CFL1: variants seen among roughly 807,000 people sequenced by gnomAD.
CFL1 encodes cofilin 1, also known as cofilin-1.
CFL1 carries 2 observed loss-of-function variants against 16.3 expected under a neutral mutation model. The observed-to-expected ratio is 0.12, with a 90% confidence interval of 0.05 to 0.39. CFL1 has a LOEUF of 0.39. Ranked by LOEUF, CFL1 falls within the 10% of genes least tolerant of loss-of-function variation. The pLI, the probability that CFL1 is intolerant of heterozygous loss-of-function variation, is 0.99. For synonymous variants in CFL1, 111 were observed against 84.4 expected (o/e 1.31, Z -1.73); for missense variants, 75 against 212.2 (o/e 0.35, Z 4.02).
intron 1 of CFL1, chr11:65,857,433 T>G (rs538459202): frequency 4.6e-6 from 2 of 435,568 alleles, no homozygotes; most frequent in African/African-American, 4.1e-5. Flanking sequence ...GATGCACGGG[T>G]GAGAACGCAG....
At chr11:65,857,783 G>A (rs1859415361) in intron 1 of CFL1, 2 of 197,330 alleles carry the variant, frequency 1.0e-5, no homozygotes, top group Non-Finnish European at 2.0e-5. Flanking sequence ...GAAGAAAGGC[G>A]CGACGCCGGC....
chr11:65,858,111 C>G lies in CFL1; in HGVS notation c.-12G>C, dbSNP rs988456330. ...CTGCCGCTCACCATGTTTCCGGAAA[C>G]GAAAAGGAGAGGGCACCGAGAGCCG... On this transcript the variant is annotated 5_prime_UTR_variant, in exon 1 of 4. Transcript: ENST00000308162. The G allele has an allele frequency of 2.6e-6, 4 of 1,532,666 alleles. No individual in the cohort carries two copies. In the African/African-American group the frequency reaches 5.7e-5, roughly 22 times the overall value. The allele number at this position is 1,532,666 out of a possible 1,614,324, so 94.9% of individuals were successfully genotyped here.
chr11:65,855,588 C>T (rs1265158537), intron 3 of CFL1, 66 bp downstream of exon 3: 16 of 1,552,814 alleles, frequency 1.0e-5, no homozygotes, highest in Non-Finnish European at 1.3e-5. Context: ...CCTCTGCGTG[C>T]CATTCACCCT....
At chr11:65,855,908 C>T in intron 2 of CFL1, 27 bp downstream of exon 2, 2 of 1,597,380 alleles carry the variant, frequency 1.3e-6, no homozygotes, top group Non-Finnish European at 1.7e-6. Flanking sequence ...GGGCAGGTGA[C>T]AGGAAGAAGT....
intron 1 of CFL1, chr11:65,857,770 T>G: frequency 1.1e-5 from 2 of 184,902 alleles, no homozygotes; most frequent in Non-Finnish European, 1.1e-5. Flanking sequence ...AGCGCGCCCC[T>G]AAGAAGAAAG....
At chr11:65,858,056 C>A (rs764405459) in intron 1 of CFL1, 41 bp downstream of exon 1, 2 of 1,525,118 alleles carry the variant, frequency 1.3e-6, no homozygotes, top group African/African-American at 1.4e-5. Flanking sequence ...AGGCGACCGA[C>A]CCGCAGCCGC....
chr11:65,856,359 C>T (rs1859385433), intron 1 of CFL1, 117 bp from the exon 2 acceptor site: 5 of 975,106 alleles, frequency 5.1e-6, no homozygotes, highest in Non-Finnish European at 7.6e-6. Flanking sequence ...CAAGGCAAGT[C>T]ACTAGTTTTC....
In CFL1 at chr11:65,858,143, A is replaced by C; in HGVS notation, c.-44T>G. 4 of 1,517,908 alleles carry C rather than the reference A, an allele frequency of 2.6e-6. No homozygotes were observed. Among genetic ancestry groups the C allele is most frequent in the Non-Finnish European group, 3.5e-6 (4 of 1,132,546 alleles). The allele number at this position is 1,517,908 out of a possible 1,614,324, so 94.0% of individuals were successfully genotyped here. Reference sequence around the variant, plus strand: ...GAGAGGGCACCGAGAGCCGCAGAAGACGAGAGCGCTGCAGCCGCTGCCGGG... The same window carrying C: ...GAGAGGGCACCGAGAGCCGCAGAAGCCGAGAGCGCTGCAGCCGCTGCCGGG... On this transcript the variant is annotated 5_prime_UTR_variant, in exon 1 of 4. Coordinates refer to ENST00000308162, the MANE Select transcript of CFL1 (RefSeq NM_005507.3).
rs779206752 is a variant in CFL1 at position 65,856,205 on chromosome 11, A to G, written c.41T>C (p.Val14Ala). Residue 14 changes from valine (V) to alanine (A), a missense_variant, in exon 2 of 4, where the codon GTG becomes GCG. By Grantham distance (64) the Val-to-Ala change is moderately conservative. Coordinates refer to ENST00000308162, the MANE Select transcript of CFL1 (RefSeq NM_005507.3). ...CTTACGCACCTTCATGTCGTTGAAC[A>G]CCTTGATGACACCATCAGAGACAGC... is the stretch of plus-strand genomic sequence containing the variant. Reference protein sequence around the residue: ...GVAVSDGVIKVFNDMKVRKSS... With the variant: ...GVAVSDGVIKAFNDMKVRKSS... The G allele has an allele frequency of 6.2e-7, 1 of 1,614,024 alleles. No individual in the cohort carries two copies. Among genetic ancestry groups the G allele is most frequent in the Non-Finnish European group, 8.5e-7 (1 of 1,180,000 alleles).
In CFL1 at chr11:65,855,982, G is replaced by A. The variant is rs1448751243; in HGVS notation, c.264C>T (p.Thr88=). The change falls in exon 2 of 4, where the codon ACC becomes ACT. Residue 88 remains threonine, a synonymous_variant. Transcript: ENST00000308162. ...KDCRYALYDA[T]YETKESKKED... ...CCTTCTTGCTCTCCTTGGTCTCATA[G>A]GTTGCATCATAGAGGGCATAGCGGC... 6.2e-7 allele frequency: 1 copy of A among 1,614,148 alleles called. No homozygotes were observed. Among genetic ancestry groups the A allele is most frequent in the East Asian group, 2.2e-5 (1 of 44,874 alleles).
At chr11:65,855,558 G>C (rs147490639) in intron 3 of CFL1, 96 bp downstream of exon 3, 1 of 1,551,408 alleles carries the variant, frequency 6.4e-7, no homozygotes, top group Non-Finnish European at 8.9e-7. Flanking sequence ...AGCAGGCAGC[G>C]AAGACAAGGG....
chr11:65,857,616 T>A (rs894160289), intron 1 of CFL1: 6 of 226,660 alleles, frequency 2.6e-5, no homozygotes, highest in South Asian at 1.9e-4. Flanking sequence ...CCCTGCCACC[T>A]GCTCCCGAGA....
rs760995765 is a variant in CFL1, at chr11:65,855,357, G to A, written c.480C>T (p.Ser160=). ...AEKLGGSAVI[S]LEGKPL is the part of the protein sequence containing the mutation. ...GGGCTCACAAAGGCTTGCCCTCCAG[G>A]GAGATGACGGCACTGCCCCCCAGCT... The change falls in exon 4 of 4, where the codon TCC becomes TCT. Residue 160 remains serine (S), a synonymous_variant. Coordinates refer to ENST00000308162, the MANE Select transcript of CFL1 (RefSeq NM_005507.3). 3.1e-6 allele frequency: 5 copies of A among 1,611,864 alleles called. No homozygotes were observed. Among genetic ancestry groups the A allele is most frequent in the Non-Finnish European group, 3.4e-6 (4 of 1,179,796 alleles).
chr11:65,855,520 G>A, intron 3 of CFL1, 72 bp from the exon 4 acceptor site: 1 of 1,565,558 alleles, frequency 6.4e-7, no homozygotes, highest in Non-Finnish European at 8.8e-7. Context: ...GGCTGGGAAG[G>A]AGCCAATCAA....
rs1591047245 is a variant in CFL1, at chr11:65,856,498, A to G, written c.4-256T>C. ...TAGAAATGCAAAACTCGTGAAAAGCAGAACCTTGACCAAAATGTGAACCCA... is the reference window on the plus strand; with the variant it reads ...TAGAAATGCAAAACTCGTGAAAAGCGGAACCTTGACCAAAATGTGAACCCA... On this transcript the variant is annotated intron_variant, in intron 1 of 3. Coordinates refer to ENST00000308162, the MANE Select transcript of CFL1 (RefSeq NM_005507.3). The G allele has an allele frequency of 1.5e-5, 7 of 463,288 alleles. No individual in the cohort carries two copies. In the East Asian group the frequency reaches 2.8e-4, roughly 19 times the overall value. The allele number at this position is 463,288 out of a possible 1,614,324, so 28.7% of individuals were successfully genotyped here.
At chr11:65,858,038 C>G in intron 1 of CFL1, 59 bp downstream of exon 1, 1 of 1,513,352 alleles carries the variant, frequency 6.6e-7, no homozygotes, top group Non-Finnish European at 8.8e-7. Context: ...CAGTCGCTTC[C>G]CGCGCGCAGG....
chr11:65,854,689 G>A lies in CFL1; in HGVS notation c.*647C>T, dbSNP rs564013664. 7 of 152,636 alleles carry A rather than the reference G, an allele frequency of 4.6e-5. No homozygotes were observed. Among genetic ancestry groups the A allele is most frequent in the African/African-American group, 1.7e-4 (7 of 41,570 alleles). The allele number at this position is 152,636 out of a possible 1,614,324, so 9.5% of individuals were successfully genotyped here. A position where few individuals can be genotyped will look rare whatever the true frequency, so the allele number is the denominator to read the frequency against. Reference sequence around the variant, plus strand: ...AGCCAGTCATTGGAGCCAGATAAGGGTGTGCAGGGGCTGGTTGGGTGTGGA... The same window carrying A: ...AGCCAGTCATTGGAGCCAGATAAGGATGTGCAGGGGCTGGTTGGGTGTGGA... On this transcript the variant is annotated 3_prime_UTR_variant, in exon 4 of 4. Coordinates refer to ENST00000308162, the MANE Select transcript of CFL1 (RefSeq NM_005507.3).
chr11:65,855,537 T>C lies in CFL1; in HGVS notation c.389-89A>G, dbSNP rs112357246. On this transcript the variant is annotated intron_variant, in intron 3 of 3. Coordinates refer to ENST00000308162, the MANE Select transcript of CFL1 (RefSeq NM_005507.3). ...CTGGGAAGGAGCCAATCAAAGCAGA[T>C]GGAAGGAACAAGCAGGCAGCGAAGA... 5.9e-4 allele frequency: 920 copies of C among 1,558,266 alleles called. 12 individuals are homozygous for C. In the African/African-American group the frequency reaches 0.011, roughly 18 times the overall value.
intron 1 of CFL1, chr11:65,857,369 G>C (rs1188566151): frequency 9.9e-6 from 4 of 404,754 alleles, no homozygotes; most frequent in Non-Finnish European, 1.5e-5. Context: ...ACCGGCGGCC[G>C]GGCCTGAGCG....
Sources: gnomAD v4.1 joint callset for allele counts on GRCh38, gnomAD v4.1.1 for gene constraint, MANE v1.5 for transcripts, NCBI Gene and HGNC (gene_info 2026-07-23, HGNC 2026-07-21) for gene names.